Variants in CYP11A1 observed in about 807,000 individuals in gnomAD.
CYP11A1 encodes cholesterol side-chain cleavage enzyme, mitochondrial.
CYP11A1 carries 25 observed loss-of-function variants against 51.9 expected under a neutral mutation model. The observed-to-expected ratio is 0.48, with a 90% CI of 0.35 to 0.67. The LOEUF is 0.67. CYP11A1 is among the 30% of genes least tolerant of loss of function. The pLI, the probability that CYP11A1 is intolerant of heterozygous loss-of-function variation, is 0.00. For missense variants in CYP11A1, 578 were observed against 680.9 expected (o/e 0.85, Z 1.68); for synonymous variants, 245 against 262.1 (o/e 0.93, Z 0.63).
rs762145358 is a variant in CYP11A1, at chr15:74,339,648, C to T, written c.1096G>A (p.Asp366Asn). 12 of 1,614,172 alleles carry T rather than the reference C, an allele frequency of 7.4e-6. No individual in the cohort carries two copies. The highest frequency in any genetic ancestry group is 1.0e-5 in the Non-Finnish European group (12 of 1,180,026). ...VLAARHQAQG[D>N]MATMLQLVPL... ...ACCAGCTGTAGCATCGTGGCCATGT[C>T]TCCCTGGGCCTGGTGCCGCGCAGCC... is the stretch of plus-strand genomic sequence containing the variant. Residue 366 changes from aspartate to asparagine, a missense_variant, in exon 6 of 9, where the codon GAC (aspartate) becomes AAC (asparagine). Asp to Asn is a conservative substitution (Grantham distance 23, BLOSUM62 1). Transcript: ENST00000268053.
In CYP11A1 at chr15:74,344,800, C is replaced by A. The variant is rs2060624172; in HGVS notation, c.625+244G>T. On this transcript the variant is annotated intron_variant, in intron 3 of 8. Transcript: ENST00000268053. Reference sequence around the variant, plus strand: ...ACTTTGGGGACCCTTGCTCCTACAGCACAAATGCCAGATGAGAGAGAATGC... The same window carrying A: ...ACTTTGGGGACCCTTGCTCCTACAGAACAAATGCCAGATGAGAGAGAATGC... 8 of 560,300 alleles carry A rather than the reference C, an allele frequency of 1.4e-5. 1 individual carries two copies. The South Asian group carries it at 1.6e-4, about 11-fold the overall frequency. 34.7% of individuals were successfully genotyped at this position (560,300 alleles called of 1,614,324 possible). A position where few individuals can be genotyped will look rare whatever the true frequency, so the allele number is the denominator to read the frequency against.
At chr15:74,360,587 C>T (rs560122427) in intron 1 of CYP11A1, among the ~76,000 whole-genome samples, 2 of 150,442 alleles carry the variant, frequency 1.3e-5, no homozygotes, top group East Asian at 4.1e-4. Context: ...CCTGGCCTAA[C>T]TTACCAGGTT....
rs1163919507 is a variant in CYP11A1, at chr15:74,339,487, C to A, written c.1157+100G>T. 45 of 1,523,050 alleles carry A rather than the reference C, an allele frequency of 3.0e-5. No homozygotes were observed. The Admixed American group carries it at 8.1e-4, about 27-fold the overall frequency. The allele number at this position is 1,523,050 out of a possible 1,614,324, so 94.3% of individuals were successfully genotyped here. On this transcript the variant is annotated intron_variant, in intron 6 of 8. Coordinates refer to ENST00000268053, the MANE Select transcript of CYP11A1 (RefSeq NM_000781.3). ...CAGACTTTTCACTTCCTGCTTCCAACCTCCTCCACCAGCCCATCCTCGTAA... is the reference window on the plus strand; with the variant it reads ...CAGACTTTTCACTTCCTGCTTCCAAACTCCTCCACCAGCCCATCCTCGTAA...
chr15:74,349,901 A>G (rs1235467570), intron 1 of CYP11A1, among the ~76,000 whole-genome samples: 3 of 152,150 alleles, frequency 2.0e-5, no homozygotes, highest in Non-Finnish European at 2.9e-5. Flanking sequence ...CAGTGAGCCT[A>G]TGATGGCACC....
chr15:74,364,683 C>G (rs993041771), intron 1 of CYP11A1: 3 of 152,168 alleles, frequency 2.0e-5, no homozygotes, highest in African/African-American at 7.2e-5. Context: ...CACCCTCCAC[C>G]GGTAACAAAG....
chr15:74,356,947 T>G (rs1201505222), intron 1 of CYP11A1, among the ~76,000 whole-genome samples: 1 of 152,204 alleles, frequency 6.6e-6, no homozygotes, highest in Admixed American at 6.5e-5. Context: ...TTAAAAAGAT[T>G]AAAGCCTGTT....
chr15:74,362,455 T>TA (rs199615608), intron 1 of CYP11A1: 92 of 152,242 alleles, frequency 6.0e-4, no homozygotes, highest in Non-Finnish European at 6.9e-4. Flanking sequence ...TTCACCAGAT[T>TA]AAAAAAAAAA....
chr15:74,361,608 G>C (rs1175549622), intron 1 of CYP11A1: 1 of 1,135,858 alleles, frequency 8.8e-7, no homozygotes, highest in East Asian at 2.7e-5. Context: ...CTTGGGTCAC[G>C]TCTCCTTTGA....
chr15:74,353,096 C>T lies in CYP11A1; in HGVS notation c.270-5041G>A, dbSNP rs1303654130. The stretch of plus-strand genomic sequence containing the variant: ...CAAAGGATAAGGTTTCTAGTTAACA[C>T]GTAATTCTGTATACAAAAAGTGCCT... On this transcript the variant is annotated intron_variant, in intron 1 of 8. Transcript: ENST00000268053. Among the ~76,000 whole-genome samples the T allele has an allele frequency of 3.3e-5, 5 of 151,894 alleles. No individual in the cohort carries two copies. In the East Asian group the frequency reaches 9.6e-4, roughly 29 times the overall value.
At chr15:74,352,882 T>C (rs1283885529) in intron 1 of CYP11A1, among the ~76,000 whole-genome samples, 2 of 152,238 alleles carry the variant, frequency 1.3e-5, no homozygotes, top group Non-Finnish European at 2.9e-5. Flanking sequence ...AGGTAAACTT[T>C]TTGTGTAAAT....
chr15:74,354,474 G>A (rs1347611897), intron 1 of CYP11A1: 1 of 152,208 alleles, frequency 6.6e-6, no homozygotes, highest in Admixed American at 6.5e-5. Flanking sequence ...GCACCCAGGT[G>A]ATTAAAAAGC....
intron 1 of CYP11A1, among the ~76,000 whole-genome samples, chr15:74,359,048 A>G (rs1442423795): frequency 1.3e-5 from 2 of 152,326 alleles, no homozygotes; most frequent in East Asian, 1.9e-4. Context: ...GGTCCTCCCA[A>G]TTCTTAGTCC....
chr15:74,367,196 A>AT, intron 1 of CYP11A1, 121 bp downstream of exon 1: 1 of 926,504 alleles, frequency 1.1e-6, no homozygotes, highest in Non-Finnish European at 1.6e-6. Flanking sequence ...AAAAAAAAAA[A>AT]GAAGTTAGAC....
At chr15:74,340,489 A>G (rs915497372) in intron 5 of CYP11A1, among the ~76,000 whole-genome samples, 2 of 152,204 alleles carry the variant, frequency 1.3e-5, no homozygotes, top group African/African-American at 4.8e-5. Context: ...TTGTTGACAC[A>G]TTATCTTACC....
chr15:74,350,208 C>G (rs2060649756), intron 1 of CYP11A1: 1 of 310,016 alleles, frequency 3.2e-6, no homozygotes, highest in Non-Finnish European at 6.8e-6. Context: ...TTGATTGTAT[C>G]TGACTTCAAT....
rs201390220 is a variant in CYP11A1 at position 74,343,186 on chromosome 15, T to C, written c.830-49A>G. On this transcript the variant is annotated intron_variant, in intron 4 of 8. Coordinates refer to ENST00000268053, the MANE Select transcript of CYP11A1 (RefSeq NM_000781.3). ...AAGAGTGAGGTTCCCTGCAGGCGGG[T>C]GGGAAGGAGGGCAGTCTGTGGTGAA... 10 of 1,603,270 alleles carry C rather than the reference T, an allele frequency of 6.2e-6. No homozygotes were observed. In the East Asian group the frequency reaches 1.6e-4, roughly 25 times the overall value.
intron 3 of CYP11A1, 172 bp downstream of exon 3, chr15:74,344,872 G>A: frequency 1.4e-6 from 1 of 707,094 alleles, no homozygotes; most frequent in Non-Finnish European, 2.6e-6. Context: ...GTTGCCCAGG[G>A]TGGTCTTAAA....
At chr15:74,359,627 A>AT (rs952541927) in intron 1 of CYP11A1, 1 of 151,956 alleles carries the variant, frequency 6.6e-6, no homozygotes, top group African/African-American at 2.4e-5. Flanking sequence ...TTTGACTGTA[A>AT]TTTTCCATGA....
chr15:74,364,952 A>T (rs2060725336), intron 1 of CYP11A1, among the ~76,000 whole-genome samples: 1 of 151,998 alleles, frequency 6.6e-6, no homozygotes, highest in East Asian at 1.9e-4. Context: ...GGCAGTTTGG[A>T]CTTTAAAGGA....
Sources: gnomAD v4.1 joint callset for allele counts (sites outside exome capture counted in the v4.1 genomes callset) on GRCh38, gnomAD v4.1.1 for gene constraint, MANE v1.5 for transcripts, NCBI Gene and HGNC (gene_info 2026-07-23, HGNC 2026-07-21) for gene names.